Variants in GLIS3 observed in about 807,000 individuals in gnomAD.
GLIS3 encodes GLIS family zinc finger 3, also known as zinc finger protein GLIS3.
A neutral mutation model predicts 78.6 loss-of-function variants in GLIS3; 53 were observed. That is an observed-to-expected ratio of 0.67 (90% CI 0.54 to 0.85). The LOEUF (loss-of-function observed/expected upper bound fraction) is 0.85. Ranked by LOEUF, GLIS3 falls within the 40% of genes least tolerant of loss-of-function variation. The pLI, the probability that GLIS3 is intolerant of heterozygous loss-of-function variation, is 0.00. For missense variants in GLIS3, 1,703 were observed against 1,231.1 expected, an observed-to-expected ratio of 1.38 and a Z score of -5.74; for synonymous variants, 684 against 509.9, an observed-to-expected ratio of 1.34 and a Z score of -4.60.
intron 4 of GLIS3, among the ~76,000 whole-genome samples, chr9:4,033,615 A>C (rs1231843695): frequency 6.6e-6 from 1 of 152,118 alleles, no homozygotes; most frequent in Non-Finnish European, 1.5e-5. Flanking sequence ...GCTTGCTAGA[A>C]ATGGAGAATC....
chr9:4,276,303 A>C (rs993906415), intron 2 of GLIS3, among the ~76,000 whole-genome samples: 1 of 133,006 alleles, frequency 7.5e-6, no homozygotes, highest in Non-Finnish European at 1.6e-5. Flanking sequence ...AGAGGAGAAG[A>C]GAAGAAAATG....
intron 2 of GLIS3, among the ~76,000 whole-genome samples, chr9:4,279,180 T>C (rs1179364702): frequency 6.7e-6 from 1 of 150,148 alleles, no homozygotes; most frequent in Non-Finnish European, 1.5e-5. Context: ...GCACCTGTAA[T>C]CCCAGCTACT....
the GLIS3 span, among the ~76,000 whole-genome samples, chr9:4,364,196 C>G: frequency 6.6e-6 from 1 of 152,188 alleles, no homozygotes; most frequent in Admixed American, 6.5e-5. Context: ...AGATATATCC[C>G]TCAGTCTACT....
chr9:3,958,117 T>C (rs1285916140), intron 4 of GLIS3, among the ~76,000 whole-genome samples: 2 of 152,192 alleles, frequency 1.3e-5, no homozygotes, highest in African/African-American at 4.8e-5. Context: ...ACTCTCTCAG[T>C]TCCCTGGAAA....
chr9:4,353,060 G>T (rs1442839191), upstream of GLIS3, among the ~76,000 whole-genome samples: 1 of 152,052 alleles, frequency 6.6e-6, no homozygotes. Flanking sequence ...TTCAGCCTGG[G>T]GTATGGTGGC....
intron 2 of GLIS3, among the ~76,000 whole-genome samples, chr9:4,170,841 T>C (rs1217387950): frequency 2.6e-5 from 4 of 152,178 alleles, no homozygotes; most frequent in Non-Finnish European, 5.9e-5. Flanking sequence ...GTAAAAAATG[T>C]TCATGAAATC....
intron 6 of GLIS3, among the ~76,000 whole-genome samples, chr9:3,904,384 A>G (rs1193676078): frequency 6.6e-6 from 1 of 152,242 alleles, no homozygotes; most frequent in African/African-American, 2.4e-5. Flanking sequence ...TTCTTGCCCA[A>G]GAGTTTTCGG....
At chr9:4,485,950 T>A in the GLIS3 span, among the ~76,000 whole-genome samples, 1 of 152,180 alleles carries the variant, frequency 6.6e-6, no homozygotes, top group Admixed American at 6.5e-5. Context: ...CTCAAACTCC[T>A]GACCTCAGGA....
chr9:4,201,204 A>G (rs111332175), intron 2 of GLIS3, among the ~76,000 whole-genome samples: 5,805 of 152,300 alleles, frequency 0.038, 391 homozygotes, highest in African/African-American at 0.13. Flanking sequence ...CAGATCATCT[A>G]TTACAAACTC....
At chr9:4,207,188 C>T (rs968872089) in intron 2 of GLIS3, among the ~76,000 whole-genome samples, 1 of 152,198 alleles carries the variant, frequency 6.6e-6, no homozygotes, top group Non-Finnish European at 1.5e-5. Context: ...CCAACCCCAC[C>T]TCCCCTCCCG....
the GLIS3 span, among the ~76,000 whole-genome samples, chr9:4,360,298 CGACT>C: frequency 3.3e-5 from 5 of 152,120 alleles, no homozygotes; most frequent in Non-Finnish European, 5.9e-5. Context: ...AAAGAGCATG[CGACT>C]GACTATGTTT....
intron 4 of GLIS3, among the ~76,000 whole-genome samples, chr9:4,055,274 C>T (rs144254298): frequency 1.3e-5 from 2 of 152,144 alleles, no homozygotes; most frequent in East Asian, 1.9e-4. Flanking sequence ...CTACAGATGT[C>T]GAGTCTGACT....
chr9:4,166,151 G>T (rs1196389799), intron 2 of GLIS3, among the ~76,000 whole-genome samples: 1 of 152,148 alleles, frequency 6.6e-6, no homozygotes, highest in Admixed American at 6.5e-5. Context: ...TCACATAATT[G>T]TTCTGAGGGA....
At chr9:4,278,482 G>A (rs2130253213) in intron 2 of GLIS3, among the ~76,000 whole-genome samples, 1 of 152,240 alleles carries the variant, frequency 6.6e-6, no homozygotes, top group African/African-American at 2.4e-5. Context: ...GGTCAAATTT[G>A]GGACAGTTTG....
chr9:3,884,845 T>C (rs1045650882), intron 7 of GLIS3, among the ~76,000 whole-genome samples: 5 of 152,128 alleles, frequency 3.3e-5, no homozygotes, highest in Non-Finnish European at 5.9e-5. Flanking sequence ...CCACCCTATA[T>C]TGCCTCCCAA....
chr9:4,393,775 G>T, the GLIS3 span, among the ~76,000 whole-genome samples: 1 of 152,162 alleles, frequency 6.6e-6, no homozygotes, highest in Non-Finnish European at 1.5e-5. Flanking sequence ...GGTACATTAT[G>T]TTAGTTTCTC....
chr9:4,260,167 G>T (rs1038316806), intron 2 of GLIS3, among the ~76,000 whole-genome samples: 1 of 152,178 alleles, frequency 6.6e-6, no homozygotes, highest in African/African-American at 2.4e-5. Flanking sequence ...GGCCAGGCCC[G>T]ATGGCCTGTA....
At chr9:4,017,155 A>C (rs1348733569) in intron 4 of GLIS3, among the ~76,000 whole-genome samples, 1 of 152,154 alleles carries the variant, frequency 6.6e-6, no homozygotes, top group African/African-American at 2.4e-5. Context: ...AGATATCTGC[A>C]AAGGTCAGTT....
At chr9:3,953,795 C>CTCTCTCTATATATATA (rs1403671770) in intron 4 of GLIS3, among the ~76,000 whole-genome samples, 13 of 73,332 alleles carry the variant, frequency 1.8e-4, no homozygotes, top group African/African-American at 5.7e-4. Context: ...CTCTCTCTCT[C>CTCTCTCTATATATATA]TATATATATA....
Sources: allele counts gnomAD v4.1 joint callset (sites outside exome capture counted in the v4.1 genomes callset), GRCh38; gene constraint gnomAD v4.1.1; transcripts MANE v1.5; gene names NCBI Gene and HGNC (gene_info 2026-07-23, HGNC 2026-07-21).